DST: variants seen among roughly 807,000 people sequenced by gnomAD.
The protein encoded by DST is dystonin.
A neutral mutation model predicts 875.2 loss-of-function variants in DST; 253 were observed. The observed-to-expected ratio is 0.29, with a 90% CI of 0.26 to 0.32. DST has a LOEUF of 0.32. Ranked by LOEUF, DST falls within the 10% of genes least tolerant of loss-of-function variation. The pLI, the probability that DST is intolerant of heterozygous loss-of-function variation, is 1.00. For missense variants in DST, 8,287 were observed against 9,111.6 expected (o/e 0.91, Z 3.68); for synonymous variants, 3,124 against 3,197.1 (o/e 0.98, Z 0.77).
intron 4 of DST, among the ~76,000 whole-genome samples, chr6:56,809,847 G>A (rs1233879989): frequency 6.6e-6 from 1 of 152,082 alleles, no homozygotes; most frequent in Non-Finnish European, 1.5e-5. Flanking sequence ...TTTCCCCTAA[G>A]AAATTATATG....
chr6:56,954,577 G>A lies in DST; in HGVS notation c.11C>T (p.Ala4Val). 2.2e-6 allele frequency: 3 copies of A among 1,358,852 alleles called. No homozygotes were observed. Among genetic ancestry groups the A allele is most frequent in the Non-Finnish European group, 2.9e-6 (3 of 1,017,884 alleles). The allele number at this position is 1,358,852 out of a possible 1,614,324, so 84.2% of individuals were successfully genotyped here. MIA[A>V]AFLVLLRPYS... ...GGGTCTCAGCAAGACGAGGAAAGCC[G>A]CGGCGATCATGGTGCGGGCGAGGCG... The change falls in exon 1 of 104, where the codon GCG (alanine) becomes GTG (valine). Residue 4 changes from alanine to valine, a missense_variant. By Grantham distance (64) the Ala-to-Val change is moderately conservative. Coordinates refer to ENST00000680361, the MANE Select transcript of DST (RefSeq NM_001374736.1).
At chr6:56,720,870 C>T (rs2099412121) in intron 5 of DST, among the ~76,000 whole-genome samples, 1 of 151,960 alleles carries the variant, frequency 6.6e-6, no homozygotes, top group Non-Finnish European at 1.5e-5. Flanking sequence ...CTGTTTGGTA[C>T]ACCTCCCAGA....
chr6:56,893,592 T>A (rs1592163471), intron 3 of DST, among the ~76,000 whole-genome samples: 3 of 70,480 alleles, frequency 4.3e-5, no homozygotes, highest in East Asian at 3.0e-4. Flanking sequence ...TTTTTTATTT[T>A]TTTTTATTTT....
At chr6:56,794,844 T>C (rs1450305662) in intron 4 of DST, among the ~76,000 whole-genome samples, 1 of 152,144 alleles carries the variant, frequency 6.6e-6, no homozygotes, top group Non-Finnish European at 1.5e-5. Context: ...AAAAGAGTAC[T>C]CTCTAAGGAA....
chr6:56,463,811 G>A, intron 100 of DST, 47 bp from the exon 101 acceptor site: 2 of 1,595,142 alleles, frequency 1.3e-6, no homozygotes, highest in Non-Finnish European at 1.7e-6. Flanking sequence ...AGACGGAAAA[G>A]AAGAGGCGCT....
chr6:56,517,357 A>G, intron 70 of DST, 52 bp from the exon 71 acceptor site: 1 of 1,587,510 alleles, frequency 6.3e-7, no homozygotes, highest in South Asian at 1.1e-5. Flanking sequence ...TTGTATGACT[A>G]AAATGAAAAC....
At chr6:56,893,593 T>TTTTTTTTTTTTTTTTTTTTTTTTTTTA (rs1788994716) in intron 3 of DST, among the ~76,000 whole-genome samples, 2 of 81,568 alleles carry the variant, frequency 2.5e-5, no homozygotes, top group African/African-American at 1.2e-4. Flanking sequence ...TTTTTATTTT[T>TTTTTTTTTTTTTTTTTTTTTTTTTTTA]TTTTATTTTT....
chr6:56,632,071 TTGTTTTC>T, intron 28 of DST, 31 bp from the exon 29 acceptor site: 4 of 1,548,844 alleles, frequency 2.6e-6, no homozygotes, highest in Non-Finnish European at 3.6e-6. Flanking sequence ...AGAAAATACC[TTGTTTTC>T]TATCTCTTAG....
intron 59 of DST, among the ~76,000 whole-genome samples, chr6:56,556,811 TG>T (rs1313563132): frequency 6.6e-6 from 1 of 152,202 alleles, no homozygotes; most frequent in Non-Finnish European, 1.5e-5. Flanking sequence ...ACTAACACCC[TG>T]GGTTTCAGGG....
At chr6:56,906,410 G>A (rs530798110) in intron 2 of DST, among the ~76,000 whole-genome samples, 6 of 152,258 alleles carry the variant, frequency 3.9e-5, no homozygotes, top group South Asian at 4.1e-4. Context: ...ATGCCTGCAG[G>A]AAAGAACTAC....
intron 55 of DST, among the ~76,000 whole-genome samples, chr6:56,563,606 G>T (rs1437671191): frequency 6.6e-6 from 1 of 152,038 alleles, no homozygotes; most frequent in East Asian, 1.9e-4. Flanking sequence ...GTCAATTTTG[G>T]CTTTTGTTGC....
intron 2 of DST, among the ~76,000 whole-genome samples, chr6:56,920,923 T>TTTTTTTTTTTTTC: frequency 7.1e-6 from 1 of 141,326 alleles, no homozygotes; most frequent in Admixed American, 7.2e-5. Context: ...TTTTTTTTTT[T>TTTTTTTTTTTTTC]CACAGAGACA....
intron 4 of DST, among the ~76,000 whole-genome samples, chr6:56,813,305 A>T (rs1242848272): frequency 6.6e-6 from 1 of 150,992 alleles, no homozygotes; most frequent in East Asian, 2.0e-4. Flanking sequence ...TAATGGGTGC[A>T]GCACACCAGC....
intron 9 of DST, among the ~76,000 whole-genome samples, chr6:56,695,148 GAGTT>G (rs2099256644): frequency 7.7e-6 from 1 of 130,230 alleles, no homozygotes; most frequent in African/African-American, 3.4e-5. Context: ...AAAAAAAAAA[GAGTT>G]AGTTGTTTGA....
chr6:56,577,833 C>T (rs1197900205), intron 50 of DST, among the ~76,000 whole-genome samples: 1 of 152,050 alleles, frequency 6.6e-6, no homozygotes, highest in Non-Finnish European at 1.5e-5. Flanking sequence ...TATTGATAAT[C>T]CACTGCACAT....
At chr6:56,500,750 G>A (rs1389684003) in intron 80 of DST, among the ~76,000 whole-genome samples, 5 of 152,070 alleles carry the variant, frequency 3.3e-5, no homozygotes, top group African/African-American at 1.2e-4. Context: ...TAAAAAATAG[G>A]TGACATTATC....
At chr6:56,601,905 T>C in intron 43 of DST, 1 of 457,870 alleles carries the variant, frequency 2.2e-6, no homozygotes, top group Non-Finnish European at 3.9e-6. Flanking sequence ...ATAATCCCTC[T>C]AAAAATGTTT....
At chr6:56,805,653 T>C (rs4457154) in intron 4 of DST, among the ~76,000 whole-genome samples, 18,624 of 152,248 alleles carry the variant, frequency 0.12, 1,578 homozygotes, top group Non-Finnish European at 0.19. Flanking sequence ...TTATCTACCA[T>C]GTGCCTACTG....
intron 10 of DST, among the ~76,000 whole-genome samples, chr6:56,658,806 A>T (rs1259367166): frequency 6.6e-6 from 1 of 152,206 alleles, no homozygotes; most frequent in Non-Finnish European, 1.5e-5. Context: ...CTCCAAAGGG[A>T]GCTCAGGAGT....
Sources: gnomAD v4.1 joint callset for allele counts (sites outside exome capture counted in the v4.1 genomes callset) on GRCh38, gnomAD v4.1.1 for gene constraint, MANE v1.5 for transcripts, NCBI Gene and HGNC (gene_info 2026-07-23, HGNC 2026-07-21) for gene names.